IQSEC1: variants seen among roughly 807,000 people sequenced by gnomAD.
IQSEC1 encodes IQ motif and Sec7 domain ArfGEF 1.
In IQSEC1, 31 loss-of-function variants were observed where a neutral mutation model predicts 91.0. The ratio of observed to expected loss-of-function variants is 0.34; its 90% confidence interval spans 0.26 to 0.46. The LOEUF is 0.46. Among genes scored for constraint, IQSEC1 ranks in the 20% least tolerant of loss-of-function variants. IQSEC1 has a pLI of 1.00. For synonymous variants in IQSEC1, 699 were observed against 662.6 expected (o/e 1.05, Z -0.84); for missense variants, 1,388 against 1,575.6 (o/e 0.88, Z 2.02).
At chr3:13,192,268 G>C (rs1022603894) in intron 1 of IQSEC1, among the ~76,000 whole-genome samples, 3 of 151,776 alleles carry the variant, frequency 2.0e-5, no homozygotes, top group Non-Finnish European at 4.4e-5. Context: ...ACCCCGGGAG[G>C]CGGAGCTTGC....
chr3:12,917,940 GGACCCACTGGACAAACTGCGCT>G (rs1696263169), intron 6 of IQSEC1, among the ~76,000 whole-genome samples: 1 of 152,242 alleles, frequency 6.6e-6, no homozygotes, highest in Admixed American at 6.5e-5. Flanking sequence ...TCCCGCTGCG[GGACCCACTGGACAAACTGCGCT>G]GACCCACTCC....
At chr3:12,941,940 C>T (rs1001214238) in intron 1 of IQSEC1, 75 bp from the exon 2 acceptor site, 2 of 1,337,342 alleles carry the variant, frequency 1.5e-6, no homozygotes, top group Non-Finnish European at 2.0e-6. Context: ...TGGGGCGTGA[C>T]CCCACCATGC....
At chr3:13,222,004 C>T (rs1694668903) in intron 1 of IQSEC1, among the ~76,000 whole-genome samples, 1 of 152,228 alleles carries the variant, frequency 6.6e-6, no homozygotes, top group South Asian at 2.1e-4. Context: ...GAGGAGTGTC[C>T]CCTTTCCTTT....
intron 1 of IQSEC1, chr3:13,042,255 T>G (rs1704303026): frequency 6.6e-6 from 1 of 152,250 alleles, no homozygotes; most frequent in Admixed American, 6.5e-5. Flanking sequence ...ATTGCCCTAG[T>G]GGCCAAGGCT....
intron 1 of IQSEC1, among the ~76,000 whole-genome samples, chr3:12,969,521 G>A (rs982311041): frequency 3.3e-5 from 5 of 152,228 alleles, no homozygotes; most frequent in Admixed American, 2.6e-4. Flanking sequence ...TTAGGGTAGG[G>A]GTAGGAAGCT....
chr3:13,151,954 G>A (rs1381584581), intron 2 of IQSEC1, among the ~76,000 whole-genome samples: 2 of 151,902 alleles, frequency 1.3e-5, no homozygotes, highest in African/African-American at 2.4e-5. Context: ...TGACAGAAGC[G>A]AAACTCCATC....
chr3:13,094,809 C>T (rs1705926769), intron 2 of IQSEC1, among the ~76,000 whole-genome samples: 1 of 152,178 alleles, frequency 6.6e-6, no homozygotes, highest in African/African-American at 2.4e-5. Context: ...AGCACCTGAC[C>T]CTTCTGGGCC....
At chr3:13,219,335 A>G (rs965420345) in intron 1 of IQSEC1, among the ~76,000 whole-genome samples, 2 of 152,150 alleles carry the variant, frequency 1.3e-5, no homozygotes, top group African/African-American at 4.8e-5. Context: ...GCGGCTGCCC[A>G]CACTGTCCAG....
chr3:13,180,547 G>A (rs1576285081), intron 1 of IQSEC1, among the ~76,000 whole-genome samples: 2 of 151,980 alleles, frequency 1.3e-5, no homozygotes, highest in African/African-American at 2.4e-5. Context: ...CAGGCTGCCC[G>A]AGCCAGCAGT....
At chr3:12,963,027 A>G (rs562487193) in intron 1 of IQSEC1, among the ~76,000 whole-genome samples, 1 of 152,368 alleles carries the variant, frequency 6.6e-6, no homozygotes, top group East Asian at 1.9e-4. Flanking sequence ...CCTGGCCATG[A>G]AGTACACAGA....
In IQSEC1 at chr3:12,908,859, G is replaced by T. The variant is rs1303688242; in HGVS notation, c.2579-334C>A. 6.6e-6 allele frequency among the ~76,000 whole-genome samples: 1 copy of T among 151,946 alleles called. No individual in the cohort carries two copies. The highest frequency in any genetic ancestry group is 2.4e-5 in the African/African-American group (1 of 41,350). ...GTCTTCCACAGAGAGGGCAGTGGTAGGGAGTCCCATGTGCCTCCAAGGAGT... is the reference window on the plus strand; with the variant it reads ...GTCTTCCACAGAGAGGGCAGTGGTATGGAGTCCCATGTGCCTCCAAGGAGT... On this transcript the variant is annotated intron_variant, in intron 11 of 13. Coordinates refer to ENST00000613206, the MANE Select transcript of IQSEC1 (RefSeq NM_001134382.3). The surrounding 1 kb of genome is among the most constrained non-coding windows in gnomAD (Gnocchi z 4.9).
intron 1 of IQSEC1, among the ~76,000 whole-genome samples, chr3:13,169,213 TA>T (rs1243607080): frequency 3.3e-5 from 5 of 152,288 alleles, no homozygotes; most frequent in African/African-American, 1.2e-4. Context: ...TGATAGTGAA[TA>T]AGTACCATGA....
Position 12,909,568 on chromosome 3 carries a change from G to C in IQSEC1, c.2417-134C>G, listed in dbSNP as rs533396591. ...GATAAGTGCCGGGAGTCCAGCCTCCGCAGTGGCAGGCTGCAGGGGTGCAGA... is the reference window on the plus strand; with the variant it reads ...GATAAGTGCCGGGAGTCCAGCCTCCCCAGTGGCAGGCTGCAGGGGTGCAGA... On this transcript the variant is annotated intron_variant, in intron 10 of 13. Transcript: ENST00000613206. This position sits in a 1 kb window ranked among gnomAD's most constrained non-coding sequence, Gnocchi z 4.9. 4 of 810,428 alleles carry C rather than the reference G, an allele frequency of 4.9e-6. No individual in the cohort carries two copies. The African/African-American group carries it at 6.9e-5, about 14-fold the overall frequency. The allele number at this position is 810,428 out of a possible 1,614,324, so 50.2% of individuals were successfully genotyped here. A position where few individuals can be genotyped will look rare whatever the true frequency, so the allele number is the denominator to read the frequency against.
Position 12,908,490 on chromosome 3 carries a change from T to G in IQSEC1, c.2614A>C (p.Ser872Arg). 2 of 1,613,606 alleles carry G rather than the reference T, an allele frequency of 1.2e-6. No individual in the cohort carries two copies. Among genetic ancestry groups the G allele is most frequent in the Non-Finnish European group, 1.7e-6 (2 of 1,180,024 alleles). The stretch of plus-strand genomic sequence containing the variant: ...TTGAGGCTAGAGCACTGGGACATGC[T>G]GGGCCGCACGACGCCTTTCTGCTTC... ...LEKQKGVVRPSMSQCSSLKKE... is the reference protein window; with the variant it reads ...LEKQKGVVRPRMSQCSSLKKE... The change falls in exon 12 of 14, where the codon AGC becomes CGC. Residue 872 changes from serine to arginine, a missense_variant. Coordinates refer to ENST00000613206, the MANE Select transcript of IQSEC1 (RefSeq NM_001134382.3). The surrounding 1 kb of genome is among the most constrained non-coding windows in gnomAD (Gnocchi z 4.9).
At chr3:12,937,463 C>CA (rs1698303053) in intron 2 of IQSEC1, among the ~76,000 whole-genome samples, 2 of 152,228 alleles carry the variant, frequency 1.3e-5, no homozygotes, top group South Asian at 4.1e-4. Context: ...CTCTTGTGGC[C>CA]AGATGGGTCA....
rs763086855 is a variant in IQSEC1 at position 13,037,768 on chromosome 3, AC to A, written c.23+35223del. Among the ~76,000 whole-genome samples the A allele has an allele frequency of 9.2e-5, 14 of 152,254 alleles. 2 individuals are homozygous for A. The highest frequency in any genetic ancestry group is 3.3e-4 in the Admixed American group (5 of 15,310). ...AGTGAAATAATAAAATAACAAAAAAACAAATACTGTATTGATTCCATTCATA... is the reference window on the plus strand; with the variant it reads ...AGTGAAATAATAAAATAACAAAAAAAAAATACTGTATTGATTCCATTCATA... On this transcript the variant is annotated intron_variant, in intron 1 of 13. Coordinates refer to ENST00000613206, the MANE Select transcript of IQSEC1 (RefSeq NM_001134382.3).
At chr3:13,029,237 G>A (rs901118047) in intron 1 of IQSEC1, among the ~76,000 whole-genome samples, 4 of 152,192 alleles carry the variant, frequency 2.6e-5, no homozygotes, top group Non-Finnish European at 2.9e-5. Context: ...GGTTCCTGTA[G>A]CCACTGCTCT....
intron 1 of IQSEC1, among the ~76,000 whole-genome samples, chr3:13,177,187 C>A (rs1031957467): frequency 3.3e-5 from 5 of 152,222 alleles, no homozygotes; most frequent in Non-Finnish European, 1.5e-5. Flanking sequence ...TTAAAAGGGC[C>A]AAGTGACAGT....
At chr3:12,912,869 C>T (rs1695702198) in intron 9 of IQSEC1, among the ~76,000 whole-genome samples, 1 of 152,132 alleles carries the variant, frequency 6.6e-6, no homozygotes, top group Non-Finnish European at 1.5e-5. Flanking sequence ...AACCTCCAGC[C>T]CTTGTTTCCT....
Sources: gnomAD v4.1 joint callset for allele counts (sites outside exome capture counted in the v4.1 genomes callset) on GRCh38, gnomAD v4.1.1 for gene constraint, Gnocchi (gnomAD v3.1) non-coding constraint, MANE v1.5 for transcripts, NCBI Gene and HGNC (gene_info 2026-07-23, HGNC 2026-07-21) for gene names.